Variants in GOLM1 observed in about 807,000 individuals in gnomAD.
GOLM1 encodes golgi membrane protein 1, also known as epididymis luminal protein 46.
A neutral mutation model predicts 50.5 loss-of-function variants in GOLM1; 31 were observed. The observed-to-expected ratio is 0.61, with a 90% confidence interval of 0.46 to 0.83. The LOEUF (loss-of-function observed/expected upper bound fraction) is 0.83. Among genes scored for constraint, GOLM1 ranks in the 40% least tolerant of loss-of-function variants. The probability of loss-of-function intolerance (pLI) is 0.00; values close to 1 mark genes in which losing one functional copy is unlikely to be tolerated. For missense variants in GOLM1, 491 were observed against 501.3 expected, an observed-to-expected ratio of 0.98 and a Z score of 0.20; for synonymous variants, 178 against 192.8, an observed-to-expected ratio of 0.92 and a Z score of 0.64.
At chr9:86,034,560 C>T (rs1833077073) in intron 8 of GOLM1, among the ~76,000 whole-genome samples, 1 of 152,178 alleles carries the variant, frequency 6.6e-6, no homozygotes, top group African/African-American at 2.4e-5. Context: ...GCTGGGTGAG[C>T]ACGGAACACA....
intron 5 of GOLM1, among the ~76,000 whole-genome samples, chr9:86,045,578 G>C (rs1833509749): frequency 6.6e-6 from 1 of 151,712 alleles, no homozygotes; most frequent in Non-Finnish European, 1.5e-5. Context: ...AGGAGGCTGA[G>C]GCATGAGAAC....
At chr9:86,035,164 C>T (rs1833094493) in intron 8 of GOLM1, 26 of 985,366 alleles carry the variant, frequency 2.6e-5, no homozygotes, top group Non-Finnish European at 3.0e-5. Flanking sequence ...TCTAAAACCT[C>T]GAGTTCTAGA....
intron 1 of GOLM1, among the ~76,000 whole-genome samples, chr9:86,094,081 C>T (rs1424793920): frequency 6.6e-6 from 1 of 152,184 alleles, no homozygotes; most frequent in East Asian, 1.9e-4. Flanking sequence ...TTTCTGATGG[C>T]CTGGAAATAT....
At chr9:86,046,170 C>T (rs188224889) in intron 5 of GOLM1, among the ~76,000 whole-genome samples, 26 of 152,326 alleles carry the variant, frequency 1.7e-4, no homozygotes, top group East Asian at 9.6e-4. Context: ...ATTTAGCTCA[C>T]GCATGAGCAC....
intron 1 of GOLM1, among the ~76,000 whole-genome samples, chr9:86,097,216 C>A (rs2118918516): frequency 6.6e-6 from 1 of 152,216 alleles, no homozygotes; most frequent in East Asian, 1.9e-4. Flanking sequence ...TCCAGAAAAC[C>A]ACCATGATCT....
intron 9 of GOLM1, among the ~76,000 whole-genome samples, chr9:86,029,186 T>G (rs1368099879): frequency 6.6e-6 from 1 of 152,144 alleles, no homozygotes; most frequent in Admixed American, 6.5e-5. Context: ...AGTGTCCAAA[T>G]GGATGACCAA....
chr9:86,087,788 C>A (rs769417664), intron 1 of GOLM1, among the ~76,000 whole-genome samples: 3 of 152,168 alleles, frequency 2.0e-5, no homozygotes, highest in Non-Finnish European at 4.4e-5. Context: ...AGGGATGAAG[C>A]TGACTTGATT....
Position 86,026,466 on chromosome 9 carries a change from C to A in GOLM1, c.*1351G>T, listed in dbSNP as rs1443983703. The A allele has an allele frequency of 1.0e-6, 1 of 962,944 alleles. No individual in the cohort carries two copies. The highest frequency in any genetic ancestry group is 1.2e-6 in the Non-Finnish European group (1 of 809,604). 59.6% of individuals were successfully genotyped at this position (962,944 alleles called of 1,614,324 possible). A position where few individuals can be genotyped will look rare whatever the true frequency, so the allele number is the denominator to read the frequency against. On this transcript the variant is annotated 3_prime_UTR_variant, in exon 10 of 10. Transcript: ENST00000388712. The stretch of plus-strand genomic sequence containing the variant: ...CCTGTAGTCCCAGCTACTCGGGAGT[C>A]TGTGTGAGGCCAGGGGTGCCAGCGC...
Position 86,056,508 on chromosome 9 carries a change from T to A in GOLM1, c.310-3917A>T, listed in dbSNP as rs866063001. Among the ~76,000 whole-genome samples the A allele has an allele frequency of 8.5e-3, 1,237 of 145,136 alleles. 19 individuals are homozygous for A. The highest frequency in any genetic ancestry group is 0.028 in the African/African-American group (1,105 of 40,058). ...TTTTATTTATTTTTTATTTAAATTTTTTTTTTTTTTTTTTTTGAGACGAAG... is the reference window on the plus strand; with the variant it reads ...TTTTATTTATTTTTTATTTAAATTTATTTTTTTTTTTTTTTTGAGACGAAG... On this transcript the variant is annotated intron_variant, in intron 3 of 9. Coordinates refer to ENST00000388712, the MANE Select transcript of GOLM1 (RefSeq NM_016548.4).
At position 86,099,413 on chromosome 9, in the gene GOLM1, CT is replaced by C. The variant is rs1331614478; in HGVS notation, c.-25del. On this transcript the variant is annotated 5_prime_UTR_variant, in exon 1 of 10. Coordinates refer to ENST00000388712, the MANE Select transcript of GOLM1 (RefSeq NM_016548.4). ...GGGGCCGCGCGCCGCCCACTCACCT[CT>C]TTTCGAGGCTCCGGCCGCCACTCGG... The C allele has an allele frequency of 6.6e-6, 1 of 151,482 alleles. No individual in the cohort carries two copies. The highest frequency in any genetic ancestry group is 1.5e-5 in the Non-Finnish European group (1 of 67,610). 9.4% of individuals were successfully genotyped at this position (151,482 alleles called of 1,614,324 possible). A position where few individuals can be genotyped will look rare whatever the true frequency, so the allele number is the denominator to read the frequency against.
intron 9 of GOLM1, among the ~76,000 whole-genome samples, chr9:86,031,925 C>CAAAAAAA (rs1043805404): frequency 2.8e-5 from 1 of 36,070 alleles, no homozygotes. Flanking sequence ...GACTCCATCT[C>CAAAAAAA]AAAAAAAAAA....
chr9:86,046,028 T>C (rs1833527390), intron 5 of GOLM1, among the ~76,000 whole-genome samples: 1 of 152,228 alleles, frequency 6.6e-6, no homozygotes. Context: ...ATCAAAGTAT[T>C]CCATTCTCAC....
At chr9:86,057,418 CTTTT>C (rs372148126) in intron 3 of GOLM1, among the ~76,000 whole-genome samples, 1 of 147,530 alleles carries the variant, frequency 6.8e-6, no homozygotes, top group Non-Finnish European at 1.5e-5. Context: ...TAGAAGGTGA[CTTTT>C]TTTTTTTGAG....
intron 9 of GOLM1, among the ~76,000 whole-genome samples, chr9:86,030,040 T>C (rs1832921173): frequency 6.6e-6 from 1 of 151,992 alleles, no homozygotes. Context: ...GGTGAAACTC[T>C]GTCTGTACTG....
chr9:86,077,679 G>A (rs534069400), intron 2 of GOLM1, 88 bp from the exon 3 acceptor site: 1 of 866,346 alleles, frequency 1.2e-6, no homozygotes, highest in East Asian at 2.4e-5. Context: ...ACCACCTTGG[G>A]GCCCAGGGCC....
In GOLM1 at chr9:86,027,035, T is replaced by A; in HGVS notation, c.*782A>T. Reference sequence around the variant, plus strand: ...GTCAGCCCCCTTTTGGCCTGTTTGTTTTGTCAAAAACCTAATCTGCTTCTT... The same window carrying A: ...GTCAGCCCCCTTTTGGCCTGTTTGTATTGTCAAAAACCTAATCTGCTTCTT... On this transcript the variant is annotated 3_prime_UTR_variant, in exon 10 of 10. Coordinates refer to ENST00000388712, the MANE Select transcript of GOLM1 (RefSeq NM_016548.4). The A allele has an allele frequency of 3.0e-6, 3 of 985,318 alleles. No homozygotes were observed. Among genetic ancestry groups the A allele is most frequent in the Non-Finnish European group, 3.6e-6 (3 of 829,930 alleles). 61.0% of individuals were successfully genotyped at this position (985,318 alleles called of 1,614,324 possible).
intron 9 of GOLM1, among the ~76,000 whole-genome samples, chr9:86,031,217 A>G (rs958808101): frequency 3.3e-4 from 49 of 150,150 alleles, no homozygotes; most frequent in African/African-American, 1.1e-3. Context: ...CTGAGGAAGA[A>G]AAAAAAAAAG....
chr9:86,092,266 A>C (rs1194454546), intron 1 of GOLM1, among the ~76,000 whole-genome samples: 2 of 152,246 alleles, frequency 1.3e-5, no homozygotes, highest in South Asian at 4.1e-4. Flanking sequence ...GATGAACAAC[A>C]AATCATTTCT....
At chr9:86,068,034 T>TA (rs1053992571) in intron 3 of GOLM1, among the ~76,000 whole-genome samples, 6 of 149,982 alleles carry the variant, frequency 4.0e-5, no homozygotes, top group South Asian at 2.1e-4. Flanking sequence ...TAAATAAATT[T>TA]AAAAAAAAAG....
Sources: allele counts gnomAD v4.1 joint callset (sites outside exome capture counted in the v4.1 genomes callset), GRCh38; gene constraint gnomAD v4.1.1; transcripts MANE v1.5; gene names NCBI Gene and HGNC (gene_info 2026-07-23, HGNC 2026-07-21).